Variants in ADAMTSL3 observed in about 807,000 individuals in gnomAD.
ADAMTSL3 encodes ADAMTS-like protein 3.
A neutral mutation model predicts 201.7 loss-of-function variants in ADAMTSL3; 128 were observed. The observed-to-expected ratio is 0.63, with a 90% CI of 0.55 to 0.73. The LOEUF (loss-of-function observed/expected upper bound fraction) is 0.73, where lower values mean the gene tolerates loss of function less well. ADAMTSL3 is among the 30% of genes least tolerant of loss of function. The pLI is 0.00. For missense variants in ADAMTSL3, 1,990 were observed against 2,119.6 expected, an observed-to-expected ratio of 0.94 and a Z score of 1.20; for synonymous variants, 738 against 748.4, an observed-to-expected ratio of 0.99 and a Z score of 0.23.
chr15:83,741,180 A>G (rs2062448934), intron 3 of ADAMTSL3, among the ~76,000 whole-genome samples: 1 of 151,132 alleles, frequency 6.6e-6, no homozygotes, highest in South Asian at 2.1e-4. Context: ...CTCTAAATAT[A>G]TATTAATAGA....
intron 2 of ADAMTSL3, among the ~76,000 whole-genome samples, chr15:83,668,299 T>TC (rs1360304990): frequency 1.9e-5 from 2 of 102,718 alleles, no homozygotes; most frequent in African/African-American, 1.0e-4. Context: ...CTTTTCTCAC[T>TC]CTTTTTTTTC....
chr15:83,713,560 T>C (rs74722431), intron 3 of ADAMTSL3, among the ~76,000 whole-genome samples: 82 of 152,208 alleles, frequency 5.4e-4, no homozygotes, highest in Non-Finnish European at 1.0e-3. Context: ...GCATGAATAA[T>C]GCACATGCAA....
intron 4 of ADAMTSL3, among the ~76,000 whole-genome samples, chr15:83,781,567 C>G (rs371278223): frequency 5.7e-4 from 86 of 152,032 alleles, no homozygotes; most frequent in African/African-American, 1.8e-3. Context: ...AGGAAGACAC[C>G]AAAAGCAGTT....
Position 83,757,393 on chromosome 15 carries a change from A to G in ADAMTSL3, c.190-16130A>G, listed in dbSNP as rs1050389476. ...CTTGGGGCTTTCACTCTCTGAAGCCATGGCCTGAGTTGTACCTTGGCCCCT... is the reference window on the plus strand; with the variant it reads ...CTTGGGGCTTTCACTCTCTGAAGCCGTGGCCTGAGTTGTACCTTGGCCCCT... On this transcript the variant is annotated intron_variant, in intron 3 of 29. Coordinates refer to ENST00000286744, the MANE Select transcript of ADAMTSL3 (RefSeq NM_207517.3). Among the ~76,000 whole-genome samples, 4 of 151,762 alleles carry G rather than the reference A, an allele frequency of 2.6e-5. No homozygotes were observed. The Admixed American group carries it at 2.6e-4, about 10-fold the overall frequency.
At chr15:83,937,631 C>T (rs2066483721) in intron 17 of ADAMTSL3, among the ~76,000 whole-genome samples, 2 of 150,972 alleles carry the variant, frequency 1.3e-5, no homozygotes, top group African/African-American at 5.0e-5. Context: ...ACCTATATAA[C>T]AAATCTGCAC....
chr15:83,951,379 A>T (rs1328899948), intron 19 of ADAMTSL3, among the ~76,000 whole-genome samples: 1 of 152,124 alleles, frequency 6.6e-6, no homozygotes, highest in Non-Finnish European at 1.5e-5. Flanking sequence ...CTTGGTCATG[A>T]TGAATGATCT....
chr15:83,872,509 C>T (rs1182864416), intron 9 of ADAMTSL3, among the ~76,000 whole-genome samples: 2 of 151,798 alleles, frequency 1.3e-5, no homozygotes, highest in Admixed American at 6.6e-5. Flanking sequence ...TTTAAAGTCT[C>T]TCTCTGGTCT....
At chr15:83,885,311 A>G in intron 10 of ADAMTSL3, 99 bp downstream of exon 10, 2 of 909,474 alleles carry the variant, frequency 2.2e-6, no homozygotes, top group South Asian at 1.4e-5. Flanking sequence ...TGTGGTGATT[A>G]GAGATGTCTC....
intron 2 of ADAMTSL3, among the ~76,000 whole-genome samples, chr15:83,697,625 C>T (rs1489520079): frequency 6.6e-6 from 1 of 152,114 alleles, no homozygotes; most frequent in Non-Finnish European, 1.5e-5. Context: ...GATGAATGCC[C>T]AGATGAAGAG....
At chr15:83,797,621 T>A (rs1296165570) in intron 4 of ADAMTSL3, among the ~76,000 whole-genome samples, 1 of 152,010 alleles carries the variant, frequency 6.6e-6, no homozygotes, top group Non-Finnish European at 1.5e-5. Flanking sequence ...AAAAAAAGAA[T>A]ATGAAATGAC....
At chr15:84,019,244 C>A (rs1596543353) in intron 25 of ADAMTSL3, among the ~76,000 whole-genome samples, 2 of 152,074 alleles carry the variant, frequency 1.3e-5, no homozygotes, top group African/African-American at 4.8e-5. Flanking sequence ...AAAAGACTGA[C>A]AATGCCAAAT....
At chr15:83,840,870 G>A (rs548656451) in intron 7 of ADAMTSL3, among the ~76,000 whole-genome samples, 1 of 152,166 alleles carries the variant, frequency 6.6e-6, no homozygotes, top group East Asian at 1.9e-4. Context: ...CTAAGGCTGG[G>A]GATGCTGTTT....
rs746931550 is a variant in ADAMTSL3 at position 83,838,149 on chromosome 15, G to A, written c.661G>A (p.Ala221Thr). ...NAKEDNCGVC[A>T]GDGSTCRLVR... The stretch of plus-strand genomic sequence containing the variant: ...CAAGGAGGACAACTGTGGAGTCTGT[G>A]CCGGCGATGGCTCCACCTGCAGGCT... Residue 221 changes from alanine (A) to threonine (T), a missense_variant, in exon 7 of 30, where the codon GCC (alanine) becomes ACC (threonine). By Grantham distance (58) the Ala-to-Thr change is moderately conservative (BLOSUM62 0). Transcript: ENST00000286744. 2 of 1,613,280 alleles carry A rather than the reference G, an allele frequency of 1.2e-6. No individual in the cohort carries two copies. The highest frequency in any genetic ancestry group is 4.5e-5 in the East Asian group (2 of 44,818).
At chr15:84,025,503 C>T (rs1341705320) in intron 27 of ADAMTSL3, 67 bp downstream of exon 27, 3 of 1,471,174 alleles carry the variant, frequency 2.0e-6, no homozygotes, top group East Asian at 4.8e-5. Context: ...ATAATAATCA[C>T]CTTGTTTCCA....
intron 4 of ADAMTSL3, among the ~76,000 whole-genome samples, chr15:83,777,591 A>T (rs1331143592): frequency 6.6e-6 from 1 of 152,200 alleles, no homozygotes. Context: ...TCATTAAAAA[A>T]ATAGGATAAA....
chr15:83,796,086 A>G (rs944535270), intron 4 of ADAMTSL3, among the ~76,000 whole-genome samples: 5 of 152,220 alleles, frequency 3.3e-5, no homozygotes, highest in Non-Finnish European at 5.9e-5. Flanking sequence ...CTCAATGTAC[A>G]GTAGATAATC....
chr15:83,944,685 A>G (rs908623672), intron 19 of ADAMTSL3, among the ~76,000 whole-genome samples: 11 of 152,206 alleles, frequency 7.2e-5, no homozygotes, highest in African/African-American at 2.4e-4. Flanking sequence ...TTACACATGT[A>G]TACACTCCTG....
intron 20 of ADAMTSL3, among the ~76,000 whole-genome samples, chr15:83,974,086 C>T (rs1287054530): frequency 6.6e-6 from 1 of 152,142 alleles, no homozygotes; most frequent in African/African-American, 2.4e-5. Context: ...CTGCACAGTC[C>T]CCTTGTTCAA....
chr15:83,715,237 A>T (rs1023611717), intron 3 of ADAMTSL3, among the ~76,000 whole-genome samples: 23 of 152,200 alleles, frequency 1.5e-4, no homozygotes, highest in Non-Finnish European at 1.5e-5. Flanking sequence ...GTGATAGCTC[A>T]GGACAGTGAC....
Sources: gnomAD v4.1 joint callset for allele counts (sites outside exome capture counted in the v4.1 genomes callset) on GRCh38, gnomAD v4.1.1 for gene constraint, MANE v1.5 for transcripts, NCBI Gene and HGNC (gene_info 2026-07-23, HGNC 2026-07-21) for gene names.